RBBP8: variants seen among roughly 807,000 people sequenced by gnomAD.
RBBP8 encodes the protein DNA endonuclease RBBP8.
Under a neutral mutation model 108.3 loss-of-function variants are expected in RBBP8, and 88 were observed. The observed-to-expected ratio is 0.81, with a 90% CI of 0.68 to 0.97. The LOEUF (loss-of-function observed/expected upper bound fraction) is 0.97, where lower values mean the gene tolerates loss of function less well. Ranked by LOEUF, RBBP8 falls within the 50% of genes least tolerant of loss-of-function variation. RBBP8 has a pLI of 0.00. For synonymous variants in RBBP8, 332 were observed against 348.2 expected, an observed-to-expected ratio of 0.95 and a Z score of 0.52; for missense variants, 1,023 against 1,049.0, an observed-to-expected ratio of 0.98 and a Z score of 0.34.
intron 6 of RBBP8, among the ~76,000 whole-genome samples, chr18:22,975,820 A>G (rs575833767): frequency 6.6e-6 from 1 of 152,238 alleles, no homozygotes; most frequent in Admixed American, 6.5e-5. Context: ...GCTGGTAGGT[A>G]ATAGGACTGT....
intron 12 of RBBP8, among the ~76,000 whole-genome samples, chr18:22,995,975 G>A (rs1169856054): frequency 6.6e-6 from 1 of 152,172 alleles, no homozygotes; most frequent in Non-Finnish European, 1.5e-5. Context: ...GTTTTCCAAA[G>A]CAGCTACACC....
rs1915827379 is a variant in RBBP8 at position 22,993,278 on chromosome 18, A to G, written c.1451A>G (p.Asp484Gly). The G allele has an allele frequency of 6.2e-7, 1 of 1,614,084 alleles. No homozygotes were observed. The highest frequency in any genetic ancestry group is 1.3e-5 in the African/African-American group (1 of 74,924). Residue 484 changes from aspartate (D) to glycine (G), a missense_variant, in exon 11 of 19, where the codon GAC (aspartate) becomes GGC (glycine). By Grantham distance (94) the Asp-to-Gly change is moderately conservative. Transcript: ENST00000327155. Reference protein sequence around the residue: ...PMDNQFSMNGDCVMDKPLDLS... With the variant: ...PMDNQFSMNGGCVMDKPLDLS... Reference sequence around the variant, plus strand: ...GATAATCAGTTTTCCATGAATGGAGACTGTGTGATGGATAAACCTCTGGAT... The same window carrying G: ...GATAATCAGTTTTCCATGAATGGAGGCTGTGTGATGGATAAACCTCTGGAT...
In RBBP8 at chr18:22,935,298, AT is replaced by A. The variant is rs1166835053; in HGVS notation, c.-98-1444del. Among the ~76,000 whole-genome samples, 865 of 138,680 alleles carry A rather than the reference AT, an allele frequency of 6.2e-3. 6 individuals are homozygous for A. The highest frequency in any genetic ancestry group is 0.021 in the African/African-American group (781 of 37,850). The allele number at this position is 138,680 out of a possible 152,430, so 91.0% of individuals were successfully genotyped here. A position where few individuals can be genotyped will look rare whatever the true frequency, so the allele number is the denominator to read the frequency against. On this transcript the variant is annotated intron_variant, in intron 1 of 18. Coordinates refer to ENST00000327155, the MANE Select transcript of RBBP8 (RefSeq NM_002894.3). ...ATCCATTTTTGTTTGTTTTTGCTGG[AT>A]TTTTTTTTTTTCAAGCAAATCGCAG...
rs190810754 is a variant in RBBP8, at chr18:23,005,073, G to A, written c.2288-1290G>A. ...AGCTACTTGGGAGGCTGAGGCAAGAGAATCTCTTGAACCTGGGAGGCAGAA... is the reference window on the plus strand; with the variant it reads ...AGCTACTTGGGAGGCTGAGGCAAGAAAATCTCTTGAACCTGGGAGGCAGAA... On this transcript the variant is annotated intron_variant, in intron 15 of 18. Coordinates refer to ENST00000327155, the MANE Select transcript of RBBP8 (RefSeq NM_002894.3). 1.9e-4 allele frequency among the ~76,000 whole-genome samples: 29 copies of A among 152,282 alleles called. 2 individuals carry two copies. Among genetic ancestry groups the A allele is most frequent in the Admixed American group, 1.8e-3 (28 of 15,298 alleles).
chr18:22,969,634 GAA>G (rs924650295), intron 5 of RBBP8, among the ~76,000 whole-genome samples: 22 of 152,212 alleles, frequency 1.4e-4, no homozygotes, highest in African/African-American at 5.3e-4. Context: ...AAAGAGGTAA[GAA>G]AGAATATAGC....
intron 3 of RBBP8, among the ~76,000 whole-genome samples, chr18:22,927,089 T>C (rs1443432140): frequency 6.6e-6 from 1 of 152,190 alleles, no homozygotes; most frequent in Non-Finnish European, 1.5e-5. Flanking sequence ...TTAACACAAA[T>C]GTTGCCAGTT....
chr18:22,934,053 C>T (rs970778386), intron 1 of RBBP8: 2 of 152,508 alleles, frequency 1.3e-5, no homozygotes, highest in African/African-American at 2.4e-5. Context: ...TGTGAGAATA[C>T]CTGTGGTGTG....
chr18:23,011,822 G>A (rs565387567), intron 16 of RBBP8, among the ~76,000 whole-genome samples: 25 of 152,092 alleles, frequency 1.6e-4, no homozygotes, highest in African/African-American at 6.0e-4. Context: ...TGTCGTGTGT[G>A]TTCTGGCTGC....
intron 12 of RBBP8, 37 bp from the exon 13 acceptor site, chr18:22,996,337 C>A: frequency 6.2e-7 from 1 of 1,610,118 alleles, no homozygotes; most frequent in South Asian, 1.1e-5. Flanking sequence ...TTTTTGAAAT[C>A]AGTTTTTTAA....
chr18:23,016,786 C>T, intron 16 of RBBP8, 42 bp from the exon 17 acceptor site: 1 of 1,372,954 alleles, frequency 7.3e-7, no homozygotes, highest in South Asian at 1.2e-5. Context: ...TATTTCTCCT[C>T]TGAACTCTAA....
chr18:22,923,808 A>G (rs1280433518), intron 3 of RBBP8, among the ~76,000 whole-genome samples: 1 of 152,208 alleles, frequency 6.6e-6, no homozygotes, highest in Non-Finnish European at 1.5e-5. Flanking sequence ...TAAATTTTGT[A>G]CATGAAACAA....
At chr18:22,969,997 G>A (rs915213393) in intron 5 of RBBP8, among the ~76,000 whole-genome samples, 5 of 152,186 alleles carry the variant, frequency 3.3e-5, no homozygotes, top group Admixed American at 6.5e-5. Context: ...GGACCCTGAC[G>A]CATACCAAAA....
intron 7 of RBBP8, 49 bp downstream of exon 7, chr18:22,982,442 T>TC: frequency 6.2e-7 from 1 of 1,610,086 alleles, no homozygotes; most frequent in Non-Finnish European, 8.5e-7. Flanking sequence ...AAACCAGTGT[T>TC]CATCTACTAG....
chr18:22,985,428 A>T (rs1441474281), intron 8 of RBBP8, among the ~76,000 whole-genome samples: 3 of 152,302 alleles, frequency 2.0e-5, no homozygotes, highest in South Asian at 4.1e-4. Context: ...TGATGTTTGC[A>T]TAGGGACTGA....
chr18:23,006,245 T>A, intron 15 of RBBP8, 118 bp from the exon 16 acceptor site: 2 of 864,848 alleles, frequency 2.3e-6, no homozygotes, highest in Non-Finnish European at 3.8e-6. Flanking sequence ...CTCAGAGGCC[T>A]GGAGCATGAA....
At chr18:22,969,575 C>T (rs1913910941) in intron 5 of RBBP8, among the ~76,000 whole-genome samples, 1 of 151,972 alleles carries the variant, frequency 6.6e-6, no homozygotes, top group African/African-American at 2.4e-5. Flanking sequence ...TATATTGCTA[C>T]CCTGTGGTTA....
chr18:22,960,663 A>G (rs1598667055), intron 4 of RBBP8, among the ~76,000 whole-genome samples: 1 of 152,216 alleles, frequency 6.6e-6, no homozygotes, highest in Middle Eastern at 3.4e-3. Flanking sequence ...TAGTGCAATA[A>G]TAGCTCACTG....
At chr18:22,983,283 T>C (rs1485645740) in intron 7 of RBBP8, among the ~76,000 whole-genome samples, 1 of 152,246 alleles carries the variant, frequency 6.6e-6, no homozygotes, top group African/African-American at 2.4e-5. Flanking sequence ...TACTACTATA[T>C]TTGTATAATA....
At chr18:22,954,217 C>T (rs1438165695) in intron 4 of RBBP8, among the ~76,000 whole-genome samples, 3 of 152,156 alleles carry the variant, frequency 2.0e-5, no homozygotes, top group Admixed American at 2.0e-4. Flanking sequence ...ACAGCATTAA[C>T]CCAAAAGTCC....
Sources: allele counts gnomAD v4.1 joint callset (sites outside exome capture counted in the v4.1 genomes callset), GRCh38; gene constraint gnomAD v4.1.1; transcripts MANE v1.5; gene names NCBI Gene and HGNC (gene_info 2026-07-23, HGNC 2026-07-21).